Variants in GPRIN2 observed in about 807,000 individuals in gnomAD.
GPRIN2 encodes the protein G protein regulated inducer of neurite outgrowth 2.
In GPRIN2, 1 loss-of-function variant was observed where a neutral mutation model predicts 0.3. The observed-to-expected ratio is 3.90, with a 90% CI of 1.39 to 18.51. The LOEUF (loss-of-function observed/expected upper bound fraction) is 18.51, where lower values mean the gene tolerates loss of function less well. Among genes scored for constraint, GPRIN2 ranks in the 30% most tolerant of loss-of-function variants. The pLI, the probability that GPRIN2 is intolerant of heterozygous loss-of-function variation, is 0.11. For missense variants in GPRIN2, 880 were observed against 604.2 expected (o/e 1.46, Z -4.79); for synonymous variants, 361 against 258.6 (o/e 1.40, Z -3.80).
rs1833046947 is a variant in GPRIN2 at position 46,542,998 on chromosome 10, G to A, written c.*6362C>T. On this transcript the variant is annotated 3_prime_UTR_variant, in exon 3 of 3. Transcript: ENST00000374314. The stretch of plus-strand genomic sequence containing the variant: ...GACTGATGGGGTGCCCTTCCAGCCC[G>A]ACCAAAGTCCTTCCATTCACCCAGC... Among the ~76,000 whole-genome samples the A allele has an allele frequency of 9.2e-5, 14 of 152,416 alleles. No homozygotes were observed. The highest frequency in any genetic ancestry group is 1.3e-4 in the Admixed American group (2 of 15,312).
chr10:46,551,307 G>A (rs1169315062), intron 2 of GPRIN2: 2 of 779,368 alleles, frequency 2.6e-6, no homozygotes, highest in Non-Finnish European at 3.1e-6. Flanking sequence ...GGACGAGGGA[G>A]CAATGACCAG....
rs554298656 is a variant in GPRIN2 at position 46,548,873 on chromosome 10, G to C, written c.*487C>G. 1.3e-5 allele frequency among the ~76,000 whole-genome samples: 2 copies of C among 152,312 alleles called. No individual in the cohort carries two copies. Among genetic ancestry groups the C allele is most frequent in the African/African-American group, 2.4e-5 (1 of 41,488 alleles). ...AAGAGGTGAAGACAGGACAAGCACA[G>C]TATGTGGCACACAGGAGGCCTCTGA... On this transcript the variant is annotated 3_prime_UTR_variant, in exon 3 of 3. Coordinates refer to ENST00000374314, the MANE Select transcript of GPRIN2 (RefSeq NM_001385282.1).
At chr10:46,553,224 C>A (rs1842811422) in intron 2 of GPRIN2, among the ~76,000 whole-genome samples, 1 of 152,310 alleles carries the variant, frequency 6.6e-6, no homozygotes, top group Non-Finnish European at 1.5e-5. Context: ...TCGCAGCTCT[C>A]ACCCTTTTTA....
In GPRIN2 at chr10:46,549,208, G is replaced by A. The variant is rs1300813456; in HGVS notation, c.*152C>T. ...AGCTGTGTAGGGCCGGAAGCCCCAG[G>A]CTGCAGTCCTGTGGTCTGGAGGCAG... On this transcript the variant is annotated 3_prime_UTR_variant, in exon 3 of 3. Transcript: ENST00000374314. 79 of 1,032,894 alleles carry A rather than the reference G, an allele frequency of 7.6e-5. No homozygotes were observed. Among genetic ancestry groups the A allele is most frequent in the Non-Finnish European group, 1.0e-4 (75 of 753,166 alleles). 64.0% of individuals were successfully genotyped at this position (1,032,894 alleles called of 1,614,324 possible).
At position 46,550,450 on chromosome 10, in the gene GPRIN2, C is replaced by T. The variant is rs1813621671; in HGVS notation, c.287G>A (p.Gly96Asp). The T allele has an allele frequency of 4.3e-6, 7 of 1,611,720 alleles. No homozygotes were observed. Among genetic ancestry groups the T allele is most frequent in the Non-Finnish European group, 1.7e-6 (2 of 1,179,716 alleles). ...ACTGCCGCCCATGGTGGACACATTG[C>T]CCACAGTGCTGCTCCACCAGTGGCC... ...AGGHWWSSTVGNVSTMGGSDL... is the reference protein window; with the variant it reads ...AGGHWWSSTVDNVSTMGGSDL... The change falls in exon 3 of 3, where the codon GGC becomes GAC. Residue 96 changes from glycine to aspartate, a missense_variant. Gly to Asp is a moderately conservative substitution (Grantham distance 94). Transcript: ENST00000374314.
At position 46,550,705 on chromosome 10, in the gene GPRIN2, C is replaced by T. The variant is rs1842504650; in HGVS notation, c.32G>A (p.Trp11Ter). The change falls in exon 3 of 3, where the codon TGG (tryptophan) becomes TAG (stop). Residue 11 changes from tryptophan to a stop codon, truncating the protein, a stop_gained. Coordinates refer to ENST00000374314, the MANE Select transcript of GPRIN2 (RefSeq NM_001385282.1). LOFTEE classifies it low-confidence loss of function (END_TRUNC). The part of the protein sequence containing the change: MSSSRPEPGP[W>*]APLSPRLQPL... The stretch of plus-strand genomic sequence containing the variant: ...CTGAAGGCGGGGGCTCAGGGGTGCC[C>T]AGGGACCCGGCTCGGGGCGGCTGGA... The T allele has an allele frequency of 6.6e-7, 1 of 1,510,176 alleles. No individual in the cohort carries two copies. The highest frequency in any genetic ancestry group is 2.3e-5 in the East Asian group (1 of 43,146). The allele number at this position is 1,510,176 out of a possible 1,614,324, so 93.5% of individuals were successfully genotyped here. A position where few individuals can be genotyped will look rare whatever the true frequency, so the allele number is the denominator to read the frequency against.
rs1832610277 is a variant in GPRIN2, at chr10:46,549,728, C to T, written c.1009G>A (p.Val337Met). 1.9e-5 allele frequency: 30 copies of T among 1,614,124 alleles called. No individual in the cohort carries two copies. In the Middle Eastern group the frequency reaches 1.3e-3, roughly 71 times the overall value. ...ASPLSAQDAG[V>M]QAAPVAACKA... ...CAGGCCGCCACTGGGGCCGCCTGCA[C>T]ACCAGCATCCTGGGCTGACAGCGGG... Residue 337 changes from valine to methionine, a missense_variant, in exon 3 of 3, where the codon GTG becomes ATG. Transcript: ENST00000374314.
Position 46,555,001 on chromosome 10 carries a change from C to T in GPRIN2, c.-117-306G>A, listed in dbSNP as rs1406195182. Among the ~76,000 whole-genome samples the T allele has an allele frequency of 2.6e-5, 4 of 152,430 alleles. No individual in the cohort carries two copies. The East Asian group carries it at 5.8e-4, about 22-fold the overall frequency. ...TCGCTCTGTCTCCCAGGCTCGAGTA[C>T]AATGGCTCAGTCTCGGCTCACTGCA... On this transcript the variant is annotated intron_variant, in intron 1 of 2. Coordinates refer to ENST00000374314, the MANE Select transcript of GPRIN2 (RefSeq NM_001385282.1).
intron 2 of GPRIN2, among the ~76,000 whole-genome samples, chr10:46,553,068 G>A (rs1832072438): frequency 1.6e-4 from 25 of 152,402 alleles, no homozygotes; most frequent in East Asian, 1.3e-3. Flanking sequence ...ATATAACTGT[G>A]CAAGCAACCT....
In GPRIN2 at chr10:46,549,138, G is replaced by A. The variant is rs1241014013; in HGVS notation, c.*222C>T. 3.7e-5 allele frequency: 20 copies of A among 543,492 alleles called. No individual in the cohort carries two copies. Among genetic ancestry groups the A allele is most frequent in the African/African-American group, 2.8e-4 (14 of 50,616 alleles). The allele number at this position is 543,492 out of a possible 1,614,324, so 33.7% of individuals were successfully genotyped here. ...TCTCAAAGTTCAGAGCCCGGAAGGT[G>A]CAGAGATGTGGCCCTTGGAAATCAA... On this transcript the variant is annotated 3_prime_UTR_variant, in exon 3 of 3. Transcript: ENST00000374314.
chr10:46,542,521 T>A lies in GPRIN2; in HGVS notation c.*6839A>T, dbSNP rs1833062814. Among the ~76,000 whole-genome samples the A allele has an allele frequency of 1.6e-4, 24 of 152,412 alleles. No individual in the cohort carries two copies. Among genetic ancestry groups the A allele is most frequent in the Admixed American group, 1.2e-3 (19 of 15,304 alleles). On this transcript the variant is annotated 3_prime_UTR_variant, in exon 3 of 3. Coordinates refer to ENST00000374314, the MANE Select transcript of GPRIN2 (RefSeq NM_001385282.1). ...CCTTCCTGCTGCCTTGTGAAGAAGG[T>A]GCCTTGCTTCTCCTTCGCTGTCTGC... is the stretch of plus-strand genomic sequence containing the variant.
In GPRIN2 at chr10:46,546,604, C is replaced by G. The variant is rs1308212570; in HGVS notation, c.*2756G>C. On this transcript the variant is annotated 3_prime_UTR_variant, in exon 3 of 3. Transcript: ENST00000374314. ...GAAAGTCTGGCCAGAAATCTAGAGT[C>G]CAAGGGGAGGAGATCTGTAAACTAA... Among the ~76,000 whole-genome samples the G allele has an allele frequency of 6.6e-6, 1 of 152,428 alleles. No homozygotes were observed. Among genetic ancestry groups the G allele is most frequent in the African/African-American group, 2.4e-5 (1 of 41,608 alleles).
In GPRIN2 at chr10:46,549,752, G is replaced by A; in HGVS notation, c.985C>T (p.Pro329Ser). The stretch of plus-strand genomic sequence containing the variant: ...ACACCAGCATCCTGGGCTGACAGCG[G>A]GGATGCCTCTGCAGGGGCCAAGTCA... ...ANDLAPAEAS[P>S]LSAQDAGVQA... is the part of the protein sequence containing the mutation. The change falls in exon 3 of 3, where the codon CCG (proline) becomes TCG (serine). Residue 329 changes from proline (P) to serine (S), a missense_variant. Coordinates refer to ENST00000374314, the MANE Select transcript of GPRIN2 (RefSeq NM_001385282.1). 6.2e-7 allele frequency: 1 copy of A among 1,614,026 alleles called. No homozygotes were observed. Among genetic ancestry groups the A allele is most frequent in the East Asian group, 2.2e-5 (1 of 44,892 alleles).
In GPRIN2 at chr10:46,546,251, GA is replaced by G. The variant is rs1387034121; in HGVS notation, c.*3108del. Among the ~76,000 whole-genome samples, 1 of 152,310 alleles carries G rather than the reference GA, an allele frequency of 6.6e-6. No homozygotes were observed. The highest frequency in any genetic ancestry group is 1.5e-5 in the Non-Finnish European group (1 of 68,058). On this transcript the variant is annotated 3_prime_UTR_variant, in exon 3 of 3. Coordinates refer to ENST00000374314, the MANE Select transcript of GPRIN2 (RefSeq NM_001385282.1). Reference sequence around the variant, plus strand: ...ACACAAGACAGGCAGGCCCAGAGGGGACAAGCTATATGAAGAGAGGCTTCAG... The same window carrying G: ...ACACAAGACAGGCAGGCCCAGAGGGGCAAGCTATATGAAGAGAGGCTTCAG...
chr10:46,548,452 A>C lies in GPRIN2; in HGVS notation c.*908T>G, dbSNP rs1842367471. Among the ~76,000 whole-genome samples the C allele has an allele frequency of 6.6e-6, 1 of 152,308 alleles. No individual in the cohort carries two copies. The highest frequency in any genetic ancestry group is 1.5e-5 in the Non-Finnish European group (1 of 68,056). ...CCTTCAGCCGACAGAATGAGGTGAA[A>C]ATAGTGCAATTTTAGGCTTTGTAAC... On this transcript the variant is annotated 3_prime_UTR_variant, in exon 3 of 3. Coordinates refer to ENST00000374314, the MANE Select transcript of GPRIN2 (RefSeq NM_001385282.1).
In GPRIN2 at chr10:46,548,289, A is replaced by G. The variant is rs1832810141; in HGVS notation, c.*1071T>C. Among the ~76,000 whole-genome samples the G allele has an allele frequency of 1.3e-5, 2 of 152,410 alleles. No individual in the cohort carries two copies. Among genetic ancestry groups the G allele is most frequent in the South Asian group, 4.1e-4 (2 of 4,828 alleles). ...CCAAGGCCCCTGGCCCCCACTGCCT[A>G]GCCTAGGTCAGGTCATGTGGGCAAG... On this transcript the variant is annotated 3_prime_UTR_variant, in exon 3 of 3. Transcript: ENST00000374314.
upstream of GPRIN2, among the ~76,000 whole-genome samples, chr10:46,557,445 T>C (rs1843362935): frequency 1.3e-5 from 2 of 152,306 alleles, no homozygotes; most frequent in Non-Finnish European, 2.9e-5. Flanking sequence ...CTACCACCCC[T>C]TTCCCTGCCC....
At chr10:46,556,831 C>T (rs1462305568), upstream of GPRIN2, among the ~76,000 whole-genome samples, 1 of 152,282 alleles carries the variant, frequency 6.6e-6, no homozygotes, top group Non-Finnish European at 1.5e-5. Flanking sequence ...GGCCGGGTCC[C>T]CACTGTCCTC....
In GPRIN2 at chr10:46,549,939, G is replaced by A. The variant is rs112588003; in HGVS notation, c.798C>T (p.Ser266=). 2.0e-4 allele frequency: 318 copies of A among 1,614,128 alleles called. No individual in the cohort carries two copies. Among genetic ancestry groups the A allele is most frequent in the African/African-American group, 1.5e-3 (116 of 75,034 alleles). The part of the protein sequence containing the change: ...LAFPKLVASV[S]ESGLQAQHGV... Reference sequence around the variant, plus strand: ...CATGCTGAGCCTGCAGCCCAGACTCGCTCACTGACGCCACTAGTTTGGGAA... The same window carrying A: ...CATGCTGAGCCTGCAGCCCAGACTCACTCACTGACGCCACTAGTTTGGGAA... The change falls in exon 3 of 3, where the codon AGC becomes AGT. Residue 266 remains serine, a synonymous_variant. Transcript: ENST00000374314.
Sources: gnomAD v4.1 joint callset for allele counts (sites outside exome capture counted in the v4.1 genomes callset) on GRCh38, gnomAD v4.1.1 for gene constraint, MANE v1.5 for transcripts, NCBI Gene and HGNC (gene_info 2026-07-23, HGNC 2026-07-21) for gene names.